Variants in SH3BGRL observed in about 807,000 individuals in gnomAD.
SH3BGRL encodes the protein SH3 domain binding glutamate rich protein like.
Under a neutral mutation model 9.8 loss-of-function variants are expected in SH3BGRL, and 7 were observed. That is an observed-to-expected ratio of 0.72 (90% CI 0.41 to 1.35). The LOEUF (loss-of-function observed/expected upper bound fraction) is 1.35. Ranked by LOEUF, SH3BGRL falls within the 40% of genes most tolerant of loss-of-function variation. The pLI, the probability that SH3BGRL is intolerant of heterozygous loss-of-function variation, is 0.01. For synonymous variants in SH3BGRL, 36 were observed against 29.1 expected (o/e 1.24, Z -0.76); for missense variants, 73 against 84.4 (o/e 0.86, Z 0.53).
At chrX:81,249,456 C>A (rs1227513458) in intron 1 of SH3BGRL, among the ~76,000 whole-genome samples, 2 of 112,469 alleles carry the variant, frequency 1.8e-5, no homozygotes, top group Non-Finnish European at 3.8e-5. Context: ...ATTTTCCTCA[C>A]TGTTTTCCTT....
At position 81,284,269 on chromosome X, in the gene SH3BGRL, C is replaced by A. The variant is rs181413881; in HGVS notation, c.312+5858C>A. 4.5e-5 allele frequency among the ~76,000 whole-genome samples: 5 copies of A among 110,610 alleles called. No individual in the cohort carries two copies. In the East Asian group the frequency reaches 1.4e-3, roughly 31 times the overall value. On this transcript the variant is annotated intron_variant, in intron 3 of 3. Coordinates refer to ENST00000373212, the MANE Select transcript of SH3BGRL (RefSeq NM_003022.3). ...GCAATCTACAAATTCAATGCAATTC[C>A]CATTAAAATACCACTATCCTTCTTC...
chrX:81,204,065 T>C (rs980806036), intron 1 of SH3BGRL, among the ~76,000 whole-genome samples: 6 of 111,659 alleles, frequency 5.4e-5, no homozygotes, highest in Admixed American at 2.9e-4. Flanking sequence ...TAGTCTTCAG[T>C]GTCTATTCTT....
intron 1 of SH3BGRL, among the ~76,000 whole-genome samples, chrX:81,211,598 A>T (rs1256528263): frequency 9.0e-6 from 1 of 111,382 alleles, no homozygotes; most frequent in Non-Finnish European, 1.9e-5. Flanking sequence ...AAAAAAAAAA[A>T]AGTCAGTGAG....
At chrX:81,207,977 C>T (rs773333851) in intron 1 of SH3BGRL, among the ~76,000 whole-genome samples, 1 of 111,693 alleles carries the variant, frequency 9.0e-6, no homozygotes, top group African/African-American at 3.3e-5. Flanking sequence ...ATTATCTGGG[C>T]CGGGCACGGT....
Position 81,202,115 on chromosome X carries a change from TC to T in SH3BGRL, c.-85del. 1 of 975,341 alleles carries T rather than the reference TC, an allele frequency of 1.0e-6. No individual in the cohort carries two copies. The highest frequency in any genetic ancestry group is 1.4e-6 in the Non-Finnish European group (1 of 692,496). The allele number at this position is 975,341 out of a possible 1,213,427, so 80.4% of individuals were successfully genotyped here. A position where few individuals can be genotyped will look rare whatever the true frequency, so the allele number is the denominator to read the frequency against. On this transcript the variant is annotated 5_prime_UTR_variant, in exon 1 of 4. Coordinates refer to ENST00000373212, the MANE Select transcript of SH3BGRL (RefSeq NM_003022.3). ...CCACCCTTCTCTGCCAACCGCTGTTTCAGCCCCTAGCTGGATTCCAGCCATT... is the reference window on the plus strand; with the variant it reads ...CCACCCTTCTCTGCCAACCGCTGTTTAGCCCCTAGCTGGATTCCAGCCATT...
intron 2 of SH3BGRL, among the ~76,000 whole-genome samples, chrX:81,277,614 G>A (rs1471620863): frequency 8.9e-6 from 1 of 111,940 alleles, no homozygotes; most frequent in East Asian, 2.8e-4. Context: ...CTAGTCTATT[G>A]TAGGCTCTGA....
At chrX:81,211,748 C>A (rs1470392022) in intron 1 of SH3BGRL, among the ~76,000 whole-genome samples, 1 of 111,535 alleles carries the variant, frequency 9.0e-6, no homozygotes, top group Non-Finnish European at 1.9e-5. Flanking sequence ...CTGGACGCTT[C>A]CTGCCTTTGA....
At chrX:81,297,086 G>A in intron 3 of SH3BGRL, 109 bp from the exon 4 acceptor site, 1 of 537,967 alleles carries the variant, frequency 1.9e-6, no homozygotes, top group Non-Finnish European at 3.0e-6. Flanking sequence ...TCTTCTGGGG[G>A]CTTTTGTTTA....
chrX:81,208,262 A>C (rs1465764474), intron 1 of SH3BGRL, among the ~76,000 whole-genome samples: 1 of 107,537 alleles, frequency 9.3e-6, no homozygotes, highest in Non-Finnish European at 1.9e-5. Flanking sequence ...ACACCGTCTC[A>C]AAAAAAAAAA....
At chrX:81,297,052 C>A (rs944366259) in intron 3 of SH3BGRL, 143 bp from the exon 4 acceptor site, 4 of 375,272 alleles carry the variant, frequency 1.1e-5, no homozygotes, top group Middle Eastern at 1.5e-3. Flanking sequence ...TATAGTTTTT[C>A]TATTAAGAAC....
At chrX:81,262,057 GTA>G (rs1402706695) in intron 1 of SH3BGRL, among the ~76,000 whole-genome samples, 1 of 111,204 alleles carries the variant, frequency 9.0e-6, no homozygotes, top group Non-Finnish European at 1.9e-5. Context: ...AAAGACTGAT[GTA>G]TATTACTTTT....
chrX:81,259,955 A>C (rs1453079722), intron 1 of SH3BGRL, among the ~76,000 whole-genome samples: 1 of 111,737 alleles, frequency 8.9e-6, no homozygotes, highest in African/African-American at 3.2e-5. Flanking sequence ...AATCTTAAAG[A>C]TCCAGGAGGC....
chrX:81,240,177 A>G (rs1346186666), intron 1 of SH3BGRL, among the ~76,000 whole-genome samples: 2 of 112,362 alleles, frequency 1.8e-5, no homozygotes, highest in African/African-American at 6.5e-5. Context: ...AGAAGAACTA[A>G]ACGATAAACC....
intron 1 of SH3BGRL, among the ~76,000 whole-genome samples, chrX:81,211,258 T>C (rs2075562247): frequency 8.9e-6 from 1 of 111,732 alleles, no homozygotes; most frequent in Non-Finnish European, 1.9e-5. Flanking sequence ...GTATTAATCC[T>C]GGGTACTGTC....
chrX:81,241,938 C>T (rs924517735), intron 1 of SH3BGRL, among the ~76,000 whole-genome samples: 14 of 112,486 alleles, frequency 1.2e-4, no homozygotes, highest in South Asian at 3.7e-4. Flanking sequence ...CCTGGCTGGG[C>T]GCAGTGTCTG....
rs766291990 is a variant in SH3BGRL at position 81,238,792 on chromosome X, C to CAGAGAGAG, written c.45+36574_45+36581dup. On this transcript the variant is annotated intron_variant, in intron 1 of 3. Transcript: ENST00000373212. Reference sequence around the variant, plus strand: ...GTTCCTACCTTTGGGTAGTGCAGAACAGAGAGAGAGAGAGAGAGAGAGAGA... The same window carrying CAGAGAGAG: ...GTTCCTACCTTTGGGTAGTGCAGAACAGAGAGAGAGAGAGAGAGAGAGAGAGAGAGAGA... 7.7e-3 allele frequency among the ~76,000 whole-genome samples: 705 copies of CAGAGAGAG among 91,422 alleles called. 11 individuals are homozygous for CAGAGAGAG. Among genetic ancestry groups the CAGAGAGAG allele is most frequent in the East Asian group, 0.058 (150 of 2,592 alleles). 79.4% of individuals were successfully genotyped at this position (91,422 alleles called of 115,157 possible).
At chrX:81,296,933 A>G (rs1180466962) in intron 3 of SH3BGRL, among the ~76,000 whole-genome samples, 1 of 112,205 alleles carries the variant, frequency 8.9e-6, no homozygotes, top group Non-Finnish European at 1.9e-5. Flanking sequence ...TTTTAAGTAA[A>G]ATATCAATTA....
At chrX:81,230,357 T>C (rs753075823) in intron 1 of SH3BGRL, among the ~76,000 whole-genome samples, 3 of 112,012 alleles carry the variant, frequency 2.7e-5, no homozygotes, top group Non-Finnish European at 5.6e-5. Flanking sequence ...TATGTAATTA[T>C]GACTTCTGAT....
intron 1 of SH3BGRL, among the ~76,000 whole-genome samples, chrX:81,258,154 A>T (rs1030423806): frequency 1.8e-5 from 2 of 111,662 alleles, no homozygotes; most frequent in Non-Finnish European, 3.8e-5. Context: ...CTCAATTTTG[A>T]TATCATTAAC....
Sources: allele counts gnomAD v4.1 joint callset (sites outside exome capture counted in the v4.1 genomes callset), GRCh38; gene constraint gnomAD v4.1.1; transcripts MANE v1.5; gene names NCBI Gene and HGNC (gene_info 2026-07-23, HGNC 2026-07-21).